Variants in EDRF1 observed in about 807,000 individuals in gnomAD.
EDRF1 encodes the protein erythroid differentiation-related factor 1.
Under a neutral mutation model 148.7 loss-of-function variants are expected in EDRF1, and 69 were observed. The ratio of observed to expected loss-of-function variants is 0.46; its 90% CI spans 0.38 to 0.57. The LOEUF (loss-of-function observed/expected upper bound fraction) is 0.57. Ranked by LOEUF, EDRF1 falls within the 20% of genes least tolerant of loss-of-function variation. The pLI is 0.00. For synonymous variants in EDRF1, 515 were observed against 532.8 expected (o/e 0.97, Z 0.46); for missense variants, 1,118 against 1,478.7 (o/e 0.76, Z 4.00).
At chr10:125,745,341 C>T (rs1849294340) in intron 18 of EDRF1, 1 of 251,204 alleles carries the variant, frequency 4.0e-6, no homozygotes, top group Non-Finnish European at 7.8e-6. Flanking sequence ...ACCGTGTCCA[C>T]ACAGGGCCTT....
At chr10:125,736,801 G>A (rs1471255695) in intron 13 of EDRF1, among the ~76,000 whole-genome samples, 1 of 151,718 alleles carries the variant, frequency 6.6e-6, no homozygotes, top group African/African-American at 2.4e-5. Context: ...TCTGTTCATG[G>A]CTGCCTTTTT....
intron 17 of EDRF1, among the ~76,000 whole-genome samples, chr10:125,741,842 G>A (rs111708509): frequency 2.6e-5 from 4 of 152,014 alleles, no homozygotes; most frequent in Admixed American, 6.6e-5. Context: ...TAGTACATGC[G>A]CCACCACACC....
At chr10:125,729,504 C>T in intron 8 of EDRF1, 25 bp downstream of exon 8, 1 of 1,613,870 alleles carries the variant, frequency 6.2e-7, no homozygotes, top group South Asian at 1.1e-5. Context: ...TACCCCTCCT[C>T]AAGCTTATGG....
chr10:125,732,092 C>G (rs992428660), intron 9 of EDRF1, among the ~76,000 whole-genome samples: 1 of 152,104 alleles, frequency 6.6e-6, no homozygotes, highest in African/African-American at 2.4e-5. Context: ...GCTTGGGCCC[C>G]CAGTGTTCTA....
intron 23 of EDRF1, among the ~76,000 whole-genome samples, chr10:125,753,397 C>G (rs889502923): frequency 6.6e-6 from 1 of 152,276 alleles, no homozygotes; most frequent in Admixed American, 6.5e-5. Context: ...GTTGCGCCCA[C>G]CTATTGCTCT....
intron 18 of EDRF1, chr10:125,744,881 A>G (rs1849258603): frequency 6.6e-6 from 1 of 152,350 alleles, no homozygotes; most frequent in South Asian, 2.1e-4. Context: ...TTTTTCCTAT[A>G]CATACATACC....
intron 13 of EDRF1, 66 bp downstream of exon 13, chr10:125,735,970 G>A: frequency 7.0e-7 from 1 of 1,426,326 alleles, no homozygotes; most frequent in Non-Finnish European, 9.8e-7. Context: ...AATATAGTTA[G>A]CCTTTCAAAA....
chr10:125,725,910 A>G (rs963007804), intron 6 of EDRF1, 72 bp downstream of exon 6: 5 of 1,510,276 alleles, frequency 3.3e-6, no homozygotes, highest in Non-Finnish European at 2.7e-6. Flanking sequence ...TCGTTAAAAA[A>G]AAAAAAAGAT....
chr10:125,762,334 G>A (rs938334521), intron 24 of EDRF1, among the ~76,000 whole-genome samples: 1 of 152,108 alleles, frequency 6.6e-6, no homozygotes, highest in African/African-American at 2.4e-5. Flanking sequence ...TGGGCCTTAG[G>A]TTTTACATCT....
chr10:125,749,381 G>C (rs768257285), intron 21 of EDRF1, 31 bp from the exon 22 acceptor site: 1 of 1,614,142 alleles, frequency 6.2e-7, no homozygotes, highest in Non-Finnish European at 8.5e-7. Context: ...TTACCGTGAA[G>C]GATTTGTTGC....
chr10:125,733,523 A>T lies in EDRF1; in HGVS notation c.1248A>T (p.Lys416Asn). The change falls in exon 10 of 25, where the codon AAA (lysine) becomes AAT (asparagine). Residue 416 changes from lysine to asparagine, a missense_variant. Lys to Asn is a moderately conservative substitution (Grantham distance 94). Around this residue, in one of 3 missense-constraint regions of EDRF1, gnomAD observed 954 missense variants for 1,241.4 expected, o/e 0.77. Transcript: ENST00000356792. Reference sequence around the variant, plus strand: ...CATTTTTGAAATCTAATTGTACCAAAGAAGGACATACCTATTGGCTCTTTA... The same window carrying T: ...CATTTTTGAAATCTAATTGTACCAATGAAGGACATACCTATTGGCTCTTTA... ...ILSFLKSNCT[K>N]EGHTYWLFKA... 1 of 1,601,032 alleles carries T rather than the reference A, an allele frequency of 6.2e-7. No homozygotes were observed. Among genetic ancestry groups the T allele is most frequent in the Non-Finnish European group, 8.6e-7 (1 of 1,168,278 alleles).
chr10:125,755,013 G>A (rs1018967284), intron 24 of EDRF1, among the ~76,000 whole-genome samples: 2 of 152,048 alleles, frequency 1.3e-5, no homozygotes, highest in African/African-American at 2.4e-5. Context: ...AAACAGTTCC[G>A]TCACTCCAAG....
Position 125,740,585 on chromosome 10 carries a change from G to A in EDRF1, c.2104G>A (p.Ala702Thr). 1 of 1,614,078 alleles carries A rather than the reference G, an allele frequency of 6.2e-7. No homozygotes were observed. Among genetic ancestry groups the A allele is most frequent in the Non-Finnish European group, 8.5e-7 (1 of 1,180,014 alleles). Reference protein sequence around the residue: ...SSKAYYVLSDAAMSLQKYGRA... With the variant: ...SSKAYYVLSDTAMSLQKYGRA... ...AAAGGCCTATTATGTTTTGTCCGAT[G>A]CTGCCATGAGTCTTCAGAAATACGG... The change falls in exon 16 of 25, where the codon GCT becomes ACT. Residue 702 changes from alanine to threonine, a missense_variant. Around this residue, in one of 3 missense-constraint regions of EDRF1, gnomAD observed 954 missense variants for 1,241.4 expected, o/e 0.77. Transcript: ENST00000356792.
At chr10:125,749,865 GCA>G in intron 22 of EDRF1, 1 of 374,406 alleles carries the variant, frequency 2.7e-6, no homozygotes, top group Middle Eastern at 9.1e-4. Flanking sequence ...AATCGGCCAG[GCA>G]CAGTGGCTCA....
In EDRF1 at chr10:125,721,382, G is replaced by T; in HGVS notation, c.287G>T (p.Gly96Val). Reference sequence around the variant, plus strand: ...GGGCCAGCAGGAACTACCATTCTTGGCAACAGCAAGAAAAGCAAGCCATTT... The same window carrying T: ...GGGCCAGCAGGAACTACCATTCTTGTCAACAGCAAGAAAAGCAAGCCATTT... Reference protein sequence around the residue: ...KLGPAGTTILGNSKKSKPFSS... With the variant: ...KLGPAGTTILVNSKKSKPFSS... The change falls in exon 2 of 25, where the codon GGC becomes GTC. Residue 96 changes from glycine to valine, a missense_variant. Coordinates refer to ENST00000356792, the MANE Select transcript of EDRF1 (RefSeq NM_001202438.2). 5 of 1,614,144 alleles carry T rather than the reference G, an allele frequency of 3.1e-6. No homozygotes were observed. The highest frequency in any genetic ancestry group is 4.2e-6 in the Non-Finnish European group (5 of 1,180,024).
rs780947520 is a variant in EDRF1 at position 125,719,887 on chromosome 10, A to G, written c.80A>G (p.Gln27Arg). The G allele has an allele frequency of 1.9e-6, 3 of 1,613,234 alleles. No homozygotes were observed. Among genetic ancestry groups the G allele is most frequent in the East Asian group, 2.2e-5 (1 of 44,856 alleles). The change falls in exon 1 of 25, where the codon CAG (glutamine) becomes CGG (arginine). Residue 27 changes from glutamine (Q) to arginine (R), a missense_variant. Physicochemically the swap from Gln to Arg is conservative, Grantham distance 43. Transcript: ENST00000356792. Reference protein sequence around the residue: ...AARGGLSLLSQGESEESSAQG... With the variant: ...AARGGLSLLSRGESEESSAQG... ...CGAGGAGGGCTCAGCCTCCTGTCCCAGGGAGAATCCGAGGAATCTTCTGCA... is the reference window on the plus strand; with the variant it reads ...CGAGGAGGGCTCAGCCTCCTGTCCCGGGGAGAATCCGAGGAATCTTCTGCA...
At chr10:125,762,775 A>G (rs1850248823) in intron 24 of EDRF1, among the ~76,000 whole-genome samples, 1 of 152,194 alleles carries the variant, frequency 6.6e-6, no homozygotes, top group Non-Finnish European at 1.5e-5. Flanking sequence ...TAGAGACGGC[A>G]GTACAACAGT....
chr10:125,730,202 A>G (rs1384051442), intron 8 of EDRF1, 86 bp from the exon 9 acceptor site: 1 of 1,065,626 alleles, frequency 9.4e-7, no homozygotes, highest in Non-Finnish European at 1.4e-6. Flanking sequence ...ACAGCTTAAG[A>G]TACTTAAATG....
intron 18 of EDRF1, chr10:125,744,785 G>A (rs1052439424): frequency 2.6e-5 from 4 of 152,210 alleles, no homozygotes; most frequent in African/African-American, 7.2e-5. Context: ...TTATACTTAA[G>A]TGTTGTACAG....
Sources: allele counts gnomAD v4.1 joint callset (sites outside exome capture counted in the v4.1 genomes callset), GRCh38; gene constraint gnomAD v4.1.1; regional missense constraint gnomAD v4.1.1; transcripts MANE v1.5; gene names NCBI Gene and HGNC (gene_info 2026-07-23, HGNC 2026-07-21).